RASSF5: variants seen among roughly 807,000 people sequenced by gnomAD.
RASSF5 encodes the protein Ras association domain family member 5.
Under a neutral mutation model 40.5 loss-of-function variants are expected in RASSF5, and 25 were observed. The ratio of observed to expected loss-of-function variants is 0.62; its 90% CI spans 0.45 to 0.86. The LOEUF (loss-of-function observed/expected upper bound fraction) is 0.86. Among genes scored for constraint, RASSF5 ranks in the 40% least tolerant of loss-of-function variants. RASSF5 has a pLI of 0.00. For missense variants in RASSF5, 521 were observed against 572.8 expected, an observed-to-expected ratio of 0.91 and a Z score of 0.92; for synonymous variants, 246 against 252.4, an observed-to-expected ratio of 0.97 and a Z score of 0.24.
At position 206,535,882 on chromosome 1, in the gene RASSF5, T is replaced by TA. The variant is rs1369137993; in HGVS notation, c.458-2289dup. On this transcript the variant is annotated intron_variant, in intron 1 of 5. Coordinates refer to ENST00000579436, the MANE Select transcript of RASSF5 (RefSeq NM_182663.4). The surrounding 1 kb of genome is among the most constrained non-coding windows in gnomAD (Gnocchi z 5.0). ...CCCAGGTGCCTTCCCATTTGTGAGT[T>TA]ATGGCAGCTGTCATCACCGTGGAGC... Among the ~76,000 whole-genome samples the TA allele has an allele frequency of 1.3e-5, 2 of 152,052 alleles. No homozygotes were observed. Among genetic ancestry groups the TA allele is most frequent in the Non-Finnish European group, 2.9e-5 (2 of 68,000 alleles).
At chr1:206,564,100 C>T (rs1668220709) in intron 2 of RASSF5, among the ~76,000 whole-genome samples, 1 of 152,188 alleles carries the variant, frequency 6.6e-6, no homozygotes, top group Non-Finnish European at 1.5e-5. Context: ...CAACAAACAC[C>T]CTTGTCATGT....
chr1:206,573,053 GGAT>G (rs1668504752), intron 2 of RASSF5, among the ~76,000 whole-genome samples: 2 of 152,190 alleles, frequency 1.3e-5, no homozygotes, highest in South Asian at 4.1e-4. Flanking sequence ...ATGATAATTT[GGAT>G]GATGACGCAC....
At chr1:206,577,200 G>A (rs558805053) in intron 2 of RASSF5, among the ~76,000 whole-genome samples, 3 of 152,252 alleles carry the variant, frequency 2.0e-5, no homozygotes, top group Admixed American at 2.0e-4. Flanking sequence ...AACAGACTGC[G>A]TGGCCTGCAA....
intron 1 of RASSF5, among the ~76,000 whole-genome samples, chr1:206,511,997 C>T (rs549854364): frequency 1.3e-5 from 2 of 152,166 alleles, no homozygotes; most frequent in Non-Finnish European, 2.9e-5. Context: ...GTTGTTCTGG[C>T]GGCTTCTGTA....
chr1:206,565,306 AATCCTGTGTTTTCCCCTCTGTGT>A lies in RASSF5; in HGVS notation c.580-17956_580-17934del, dbSNP rs797023398. Among the ~76,000 whole-genome samples, 6 of 152,202 alleles carry A rather than the reference AATCCTGTGTTTTCCCCTCTGTGT, an allele frequency of 3.9e-5. No individual in the cohort carries two copies. The East Asian group carries it at 7.7e-4, about 20-fold the overall frequency. On this transcript the variant is annotated intron_variant, in intron 2 of 5. Coordinates refer to ENST00000579436, the MANE Select transcript of RASSF5 (RefSeq NM_182663.4). ...AGTAAGTCAGTTACCCTGCAGTTTCAATCCTGTGTTTTCCCCTCTGTGTATCCTGCCTACAACTGCCAAGGGCT... is the reference window on the plus strand; with the variant it reads ...AGTAAGTCAGTTACCCTGCAGTTTCAATCCTGCCTACAACTGCCAAGGGCT...
At chr1:206,510,300 C>T (rs1275916508) in intron 1 of RASSF5, among the ~76,000 whole-genome samples, 2 of 152,082 alleles carry the variant, frequency 1.3e-5, no homozygotes, top group Non-Finnish European at 2.9e-5. Context: ...CAGACTGGAA[C>T]CAGAGCCCTG....
At position 206,535,215 on chromosome 1, in the gene RASSF5, C is replaced by G. The variant is rs1667348714; in HGVS notation, c.458-2957C>G. On this transcript the variant is annotated intron_variant, in intron 1 of 5. Coordinates refer to ENST00000579436, the MANE Select transcript of RASSF5 (RefSeq NM_182663.4). This position sits in a 1 kb window ranked among gnomAD's most constrained non-coding sequence, Gnocchi z 5.0. ...GAAACCTTGCCTCAAAAAGAAAAAA[C>G]AAAAAACAAAACATAAATTGAGCAC... Among the ~76,000 whole-genome samples, 1 of 152,084 alleles carries G rather than the reference C, an allele frequency of 6.6e-6. No individual in the cohort carries two copies. The highest frequency in any genetic ancestry group is 2.1e-4 in the South Asian group (1 of 4,828).
intron 2 of RASSF5, among the ~76,000 whole-genome samples, chr1:206,577,599 C>A (rs552360551): frequency 1.6e-4 from 24 of 152,308 alleles, no homozygotes; most frequent in African/African-American, 5.8e-4. Context: ...TTGTGTTCAT[C>A]CTGCAGGTAC....
chr1:206,588,965 G>T lies in RASSF5; in HGVS notation c.*1987G>T, dbSNP rs942071474. 2 of 152,708 alleles carry T rather than the reference G, an allele frequency of 1.3e-5. No homozygotes were observed. The highest frequency in any genetic ancestry group is 2.9e-5 in the Non-Finnish European group (2 of 68,032). 9.5% of individuals were successfully genotyped at this position (152,708 alleles called of 1,614,324 possible). A position where few individuals can be genotyped will look rare whatever the true frequency, so the allele number is the denominator to read the frequency against. On this transcript the variant is annotated 3_prime_UTR_variant, in exon 6 of 6. Coordinates refer to ENST00000579436, the MANE Select transcript of RASSF5 (RefSeq NM_182663.4). ...TTTTGAGAAGGAAAAAAAAAGTCAT[G>T]TATATATACACATAAAGGCATATAG...
intron 1 of RASSF5, among the ~76,000 whole-genome samples, chr1:206,521,913 C>G (rs1307026220): frequency 6.6e-6 from 1 of 152,208 alleles, no homozygotes; most frequent in East Asian, 1.9e-4. Context: ...AGGGGCCCCT[C>G]CTGAGCAGGC....
intron 2 of RASSF5, among the ~76,000 whole-genome samples, chr1:206,547,360 C>T (rs1193457688): frequency 2.0e-5 from 3 of 151,948 alleles, no homozygotes; most frequent in African/African-American, 7.3e-5. Flanking sequence ...GCTTGCTTTA[C>T]AGCCTGAGCT....
At chr1:206,574,615 C>T (rs1185763461) in intron 2 of RASSF5, among the ~76,000 whole-genome samples, 2 of 152,220 alleles carry the variant, frequency 1.3e-5, no homozygotes, top group Non-Finnish European at 2.9e-5. Flanking sequence ...CTTCCCTGCT[C>T]TGCTGCAAAT....
intron 1 of RASSF5, among the ~76,000 whole-genome samples, chr1:206,524,558 A>AATATATT (rs1667033848): frequency 3.6e-5 from 2 of 54,880 alleles, no homozygotes; most frequent in Admixed American, 3.8e-4. Context: ...ATACATATAA[A>AATATATT]ATATATTATG....
In RASSF5 at chr1:206,564,758, G is replaced by A. The variant is rs527699270; in HGVS notation, c.580-18511G>A. Among the ~76,000 whole-genome samples, 11 of 152,318 alleles carry A rather than the reference G, an allele frequency of 7.2e-5. No individual in the cohort carries two copies. In the South Asian group the frequency reaches 2.1e-3, roughly 29 times the overall value. ...TGGTTTAGTCTACCTCAAAGAGCAT[G>A]GGGTGGGGATCCAGACCTAGCCTGG... is the stretch of plus-strand genomic sequence containing the variant. On this transcript the variant is annotated intron_variant, in intron 2 of 5. Coordinates refer to ENST00000579436, the MANE Select transcript of RASSF5 (RefSeq NM_182663.4).
intron 2 of RASSF5, among the ~76,000 whole-genome samples, chr1:206,547,819 T>C (rs1308416807): frequency 2.0e-5 from 3 of 152,202 alleles, no homozygotes; most frequent in Non-Finnish European, 2.9e-5. Context: ...ATTTAAATGA[T>C]AAGAAATTGT....
chr1:206,523,801 A>C (rs1194160919), intron 1 of RASSF5, among the ~76,000 whole-genome samples: 1 of 103,568 alleles, frequency 9.7e-6, no homozygotes, highest in Non-Finnish European at 1.7e-5. Flanking sequence ...TTTATATATA[A>C]TGTACAATAT....
chr1:206,552,060 A>G lies in RASSF5; in HGVS notation c.579+13767A>G. ...TGTGGACAACTGGGGTAACTCAGCT[A>G]TCTTCAGTAGGTTCAGTGTCAAGGC... On this transcript the variant is annotated intron_variant, in intron 2 of 5. Transcript: ENST00000579436. The surrounding 1 kb of genome is among the most constrained non-coding windows in gnomAD (Gnocchi z 4.1). Among the ~76,000 whole-genome samples, 1 of 152,346 alleles carries G rather than the reference A, an allele frequency of 6.6e-6. No homozygotes were observed. The highest frequency in any genetic ancestry group is 2.1e-4 in the South Asian group (1 of 4,824).
At position 206,589,427 on chromosome 1, in the gene RASSF5, A is replaced by AATT. The variant is rs1320251828; in HGVS notation, c.*2450_*2452dup. On this transcript the variant is annotated 3_prime_UTR_variant, in exon 6 of 6. Coordinates refer to ENST00000579436, the MANE Select transcript of RASSF5 (RefSeq NM_182663.4). ...GAGAAATGAAGGCTACTGTTCAAATAATTTGGGAAAAATTGTCCAAATGCG... is the reference window on the plus strand; with the variant it reads ...GAGAAATGAAGGCTACTGTTCAAATAATTATTTGGGAAAAATTGTCCAAATGCG... 3.3e-5 allele frequency: 5 copies of AATT among 152,322 alleles called. No homozygotes were observed. The highest frequency in any genetic ancestry group is 1.2e-4 in the African/African-American group (5 of 41,432). 9.4% of individuals were successfully genotyped at this position (152,322 alleles called of 1,614,324 possible).
chr1:206,542,376 G>C (rs1553399478), intron 2 of RASSF5: 1 of 151,946 alleles, frequency 6.6e-6, no homozygotes, highest in East Asian at 1.9e-4. Flanking sequence ...CTTTTTTGCT[G>C]TCTCTCTCGA....
Sources: gnomAD v4.1 joint callset for allele counts (sites outside exome capture counted in the v4.1 genomes callset) on GRCh38, gnomAD v4.1.1 for gene constraint, Gnocchi (gnomAD v3.1) non-coding constraint, MANE v1.5 for transcripts, NCBI Gene and HGNC (gene_info 2026-07-23, HGNC 2026-07-21) for gene names.